Variants in SNTG1 observed in about 807,000 individuals in gnomAD.
The protein encoded by SNTG1 is syntrophin gamma 1, also known as gamma-1-syntrophin.
SNTG1 carries 39 observed loss-of-function variants against 74.7 expected under a neutral mutation model. The ratio of observed to expected loss-of-function variants is 0.52; its 90% CI spans 0.40 to 0.68. The LOEUF (loss-of-function observed/expected upper bound fraction) is 0.68. SNTG1 is among the 30% of genes least tolerant of loss of function. The pLI, the probability that SNTG1 is intolerant of heterozygous loss-of-function variation, is 0.00. For missense variants in SNTG1, 685 were observed against 609.5 expected (o/e 1.12, Z -1.30); for synonymous variants, 254 against 217.1 (o/e 1.17, Z -1.49).
chr8:50,590,964 TTTTATTG>T (rs1585779694), intron 13 of SNTG1, 47 bp downstream of exon 13: 1 of 1,336,664 alleles, frequency 7.5e-7, no homozygotes, highest in African/African-American at 1.5e-5. Flanking sequence ...ATTTCTTTAA[TTTTATTG>T]ATTATAGAAG....
chr8:50,326,371 A>G (rs76735322), intron 2 of SNTG1, among the ~76,000 whole-genome samples: 7,490 of 152,084 alleles, frequency 0.049, 250 homozygotes, highest in Non-Finnish European at 0.071. Flanking sequence ...TCTTTTATAG[A>G]TATAGGACTA....
chr8:50,104,470 T>G (rs577461320), intron 1 of SNTG1, among the ~76,000 whole-genome samples: 59 of 152,260 alleles, frequency 3.9e-4, no homozygotes, highest in Middle Eastern at 6.8e-3. Flanking sequence ...TTATTAGTCT[T>G]GCTAGCGGTC....
chr8:50,264,213 T>C lies in SNTG1; in HGVS notation c.-28+91578T>C, dbSNP rs10104238. Among the ~76,000 whole-genome samples the C allele has an allele frequency of 2.8e-3, 420 of 152,180 alleles. 4 individuals carry two copies. Among genetic ancestry groups the C allele is most frequent in the African/African-American group, 9.4e-3 (390 of 41,522 alleles). Reference sequence around the variant, plus strand: ...TTACAAAAACACTACATTATAGCTGTAGTCTATTATATTAAAAAGCAGAAG... The same window carrying C: ...TTACAAAAACACTACATTATAGCTGCAGTCTATTATATTAAAAAGCAGAAG... On this transcript the variant is annotated intron_variant, in intron 2 of 18. Transcript: ENST00000642720.
chr8:50,191,035 GTCT>G (rs1441942206), intron 2 of SNTG1, among the ~76,000 whole-genome samples: 1 of 152,010 alleles, frequency 6.6e-6, no homozygotes, highest in Non-Finnish European at 1.5e-5. Flanking sequence ...TCTTTCACTG[GTCT>G]TCTTTTTACA....
At chr8:50,048,460 G>A (rs563155820) in intron 1 of SNTG1, among the ~76,000 whole-genome samples, 3 of 152,200 alleles carry the variant, frequency 2.0e-5, no homozygotes, top group African/African-American at 7.2e-5. Context: ...ACCTCCAAAT[G>A]TGCTCCTTCA....
chr8:50,248,667 C>G (rs1364316081), intron 2 of SNTG1, among the ~76,000 whole-genome samples: 1 of 151,950 alleles, frequency 6.6e-6, no homozygotes, highest in Non-Finnish European at 1.5e-5. Flanking sequence ...ATCCAGAGAC[C>G]ACCACAAAAA....
intron 11 of SNTG1, among the ~76,000 whole-genome samples, chr8:50,538,885 T>C (rs1172205196): frequency 2.0e-5 from 3 of 152,176 alleles, no homozygotes; most frequent in African/African-American, 7.2e-5. Context: ...TTTCTTTCTG[T>C]TAAACAGATT....
At chr8:50,211,072 G>T (rs527560961) in intron 2 of SNTG1, among the ~76,000 whole-genome samples, 1 of 152,092 alleles carries the variant, frequency 6.6e-6, no homozygotes, top group South Asian at 2.1e-4. Context: ...GTTGGAATAT[G>T]GGTGTTACAA....
At chr8:49,910,881 C>T (rs1805544251), upstream of SNTG1, 1 of 152,268 alleles carries the variant, frequency 6.6e-6, no homozygotes, top group South Asian at 2.1e-4. Flanking sequence ...CGTTTTCTGC[C>T]CCCACTGCAG....
chr8:50,484,153 C>T (rs71512149), intron 8 of SNTG1, among the ~76,000 whole-genome samples: 5,696 of 31,378 alleles, frequency 0.18, 195 homozygotes, highest in South Asian at 0.26. Context: ...TCTTTCTTTC[C>T]TTCCTTCCTT....
At chr8:50,376,756 T>TATATATATAGAGAGAGAGAGAGAGAGAG (rs1381048539) in intron 2 of SNTG1, among the ~76,000 whole-genome samples, 1 of 89,962 alleles carries the variant, frequency 1.1e-5, no homozygotes. Flanking sequence ...TATATATATA[T>TATATATATAGAGAGAGAGAGAGAGAGAG]AGAGAGAGAG....
At chr8:50,057,006 ATTG>A (rs1415224655) in intron 1 of SNTG1, among the ~76,000 whole-genome samples, 1 of 152,174 alleles carries the variant, frequency 6.6e-6, no homozygotes, top group African/African-American at 2.4e-5. Flanking sequence ...ACCTAAGTAT[ATTG>A]TTGCAAGAGA....
chr8:49,949,536 T>A (rs1809514848), intron 1 of SNTG1, among the ~76,000 whole-genome samples: 1 of 152,188 alleles, frequency 6.6e-6, no homozygotes, highest in South Asian at 2.1e-4. Flanking sequence ...GGAGTGAACT[T>A]TATTAATTCC....
rs2095695240 is a variant in SNTG1, at chr8:50,792,854, C to T, written c.*25C>T. The T allele has an allele frequency of 6.3e-7, 1 of 1,596,632 alleles. No individual in the cohort carries two copies. Among genetic ancestry groups the T allele is most frequent in the Admixed American group, 1.7e-5 (1 of 58,450 alleles). ...ACATACTGAACTCTTCATTGACACACCCCATGACTGTATAAGCAGGACACA... is the reference window on the plus strand; with the variant it reads ...ACATACTGAACTCTTCATTGACACATCCCATGACTGTATAAGCAGGACACA... On this transcript the variant is annotated 3_prime_UTR_variant, in exon 19 of 19. Coordinates refer to ENST00000642720, the MANE Select transcript of SNTG1 (RefSeq NM_018967.5).
intron 1 of SNTG1, among the ~76,000 whole-genome samples, chr8:50,119,183 C>G (rs1308680992): frequency 7.1e-6 from 1 of 141,444 alleles, no homozygotes; most frequent in East Asian, 2.0e-4. Flanking sequence ...CACTGCCTTT[C>G]TCTATATGGT....
chr8:50,171,827 G>T (rs1224492033), intron 1 of SNTG1, among the ~76,000 whole-genome samples: 1 of 152,100 alleles, frequency 6.6e-6, no homozygotes, highest in Non-Finnish European at 1.5e-5. Flanking sequence ...TTTTCAATAA[G>T]CTACAGAAGC....
chr8:50,472,265 G>T (rs2093659617), intron 8 of SNTG1, among the ~76,000 whole-genome samples: 1 of 152,150 alleles, frequency 6.6e-6, no homozygotes, highest in South Asian at 2.1e-4. Context: ...AACAAAATCA[G>T]AGGCATTACA....
intron 15 of SNTG1, among the ~76,000 whole-genome samples, chr8:50,703,309 T>A (rs1309922306): frequency 6.6e-6 from 1 of 151,818 alleles, no homozygotes; most frequent in Non-Finnish European, 1.5e-5. Flanking sequence ...ACAAATTACT[T>A]TTTTATTTTT....
intron 8 of SNTG1, among the ~76,000 whole-genome samples, chr8:50,499,313 T>C (rs1252849030): frequency 1.3e-5 from 2 of 151,832 alleles, no homozygotes; most frequent in East Asian, 1.9e-4. Context: ...GATTTTATAG[T>C]TTTTTTAAAC....
Sources: gnomAD v4.1 joint callset for allele counts (sites outside exome capture counted in the v4.1 genomes callset) on GRCh38, gnomAD v4.1.1 for gene constraint, MANE v1.5 for transcripts, NCBI Gene and HGNC (gene_info 2026-07-23, HGNC 2026-07-21) for gene names.